UFD1: variants seen among roughly 807,000 people sequenced by gnomAD.
UFD1 encodes ubiquitin recognition factor in ER associated degradation 1.
In UFD1, 13 loss-of-function variants were observed where a neutral mutation model predicts 45.9. The ratio of observed to expected loss-of-function variants is 0.28; its 90% CI spans 0.18 to 0.45. The LOEUF (loss-of-function observed/expected upper bound fraction) is 0.45. Ranked by LOEUF, UFD1 falls within the 20% of genes least tolerant of loss-of-function variation. The pLI is 1.00. For synonymous variants in UFD1, 128 were observed against 139.2 expected (o/e 0.92, Z 0.56); for missense variants, 218 against 389.2 (o/e 0.56, Z 3.70).
intron 6 of UFD1, among the ~76,000 whole-genome samples, chr22:19,459,002 T>TA (rs1478170812): frequency 6.6e-6 from 1 of 152,218 alleles, no homozygotes; most frequent in Non-Finnish European, 1.5e-5. Flanking sequence ...TATTTTATAA[T>TA]AAAATGTTGA....
rs2089903963 is a variant in UFD1, at chr22:19,478,179, T to C, written c.3+904A>G. 2.0e-5 allele frequency among the ~76,000 whole-genome samples: 3 copies of C among 152,102 alleles called. No homozygotes were observed. In the South Asian group the frequency reaches 6.2e-4, roughly 31 times the overall value. On this transcript the variant is annotated intron_variant, in intron 1 of 11. Transcript: ENST00000263202. ...CCCTTCTTTGCTGCTCCCGATCCCATCTCTCACTTTCCTTTTCAATCCCGA... is the reference window on the plus strand; with the variant it reads ...CCCTTCTTTGCTGCTCCCGATCCCACCTCTCACTTTCCTTTTCAATCCCGA...
chr22:19,459,438 A>G (rs2089748329), intron 6 of UFD1, among the ~76,000 whole-genome samples: 1 of 152,058 alleles, frequency 6.6e-6, no homozygotes, highest in South Asian at 2.1e-4. Context: ...CATGGTGAAG[A>G]CCCGTCTCTA....
At position 19,453,354 on chromosome 22, in the gene UFD1, G is replaced by C. The variant is rs2089697885; in HGVS notation, c.849+1395C>G. The C allele has an allele frequency of 3.0e-6, 3 of 985,252 alleles. No homozygotes were observed. The East Asian group carries it at 3.4e-4, about 112-fold the overall frequency. 61.0% of individuals were successfully genotyped at this position (985,252 alleles called of 1,614,324 possible). ...ATGACCTTTAGCCACAGCCTTAGTG[G>C]GGCTGCAGGATGGAATAGAGCTAAA... On this transcript the variant is annotated intron_variant, in intron 11 of 11. Transcript: ENST00000263202.
intron 5 of UFD1, 41 bp from the exon 6 acceptor site, chr22:19,465,315 A>T (rs1003128945): frequency 1.9e-6 from 3 of 1,562,786 alleles, no homozygotes; most frequent in Non-Finnish European, 2.6e-6. Context: ...CAAGATGGAT[A>T]CCTTAATCTG....
At chr22:19,473,572 C>G (rs750877152) in intron 3 of UFD1, among the ~76,000 whole-genome samples, 54 of 152,166 alleles carry the variant, frequency 3.5e-4, no homozygotes, top group Non-Finnish European at 6.9e-4. Flanking sequence ...TCTGTAATGA[C>G]AGGGTCTTCG....
chr22:19,450,307 A>G lies in UFD1; in HGVS notation c.*363T>C, dbSNP rs1004692979. ...AAAGAAAGGATAAATGAAGAAAAAG[A>G]AAGAACACTTCATGTTAGACAATTT... On this transcript the variant is annotated 3_prime_UTR_variant, in exon 12 of 12. Transcript: ENST00000263202. 5.3e-6 allele frequency: 1 copy of G among 187,218 alleles called. No homozygotes were observed. The highest frequency in any genetic ancestry group is 2.3e-5 in the African/African-American group (1 of 42,680). 11.6% of individuals were successfully genotyped at this position (187,218 alleles called of 1,614,324 possible).
intron 4 of UFD1, chr22:19,469,779 G>A: frequency 2.2e-6 from 1 of 447,692 alleles, no homozygotes; most frequent in Non-Finnish European, 4.5e-6. Flanking sequence ...GAGCTGGAAG[G>A]CCAGCTCAGG....
At chr22:19,471,277 C>T (rs1347495442) in intron 4 of UFD1, 8 of 521,346 alleles carry the variant, frequency 1.5e-5, no homozygotes, top group South Asian at 2.8e-5. Flanking sequence ...TGGGAGACTA[C>T]GTCAGAGGTA....
In UFD1 at chr22:19,479,155, C is replaced by G; in HGVS notation, c.-70G>C. On this transcript the variant is annotated 5_prime_UTR_variant, in exon 1 of 12. Coordinates refer to ENST00000263202, the MANE Select transcript of UFD1 (RefSeq NM_005659.7). ...CGAAGAAACCCCGCCGACCGCTCTC[C>G]CAGCCGCCGCTGCCGCTGCCGCCGC... 4 of 1,580,312 alleles carry G rather than the reference C, an allele frequency of 2.5e-6. No homozygotes were observed. Among genetic ancestry groups the G allele is most frequent in the Non-Finnish European group, 1.7e-6 (2 of 1,165,046 alleles).
At chr22:19,475,946 ATC>A (rs1012358852) in intron 1 of UFD1, among the ~76,000 whole-genome samples, 6 of 152,146 alleles carry the variant, frequency 3.9e-5, no homozygotes, top group African/African-American at 1.4e-4. Flanking sequence ...TAATTGAAAC[ATC>A]TCTTTATTGA....
intron 11 of UFD1, 97 bp from the exon 12 acceptor site, chr22:19,450,841 A>G: frequency 1.3e-6 from 2 of 1,591,624 alleles, no homozygotes; most frequent in Admixed American, 1.7e-5. Context: ...CATTACTCAT[A>G]AGAAATATCT....
At chr22:19,458,846 TATG>T (rs1291243569) in intron 6 of UFD1, among the ~76,000 whole-genome samples, 3 of 152,232 alleles carry the variant, frequency 2.0e-5, no homozygotes, top group African/African-American at 7.2e-5. Flanking sequence ...CTCCTTGACT[TATG>T]ATGGAACCAA....
intron 11 of UFD1, chr22:19,451,140 A>AAAG: frequency 1.0e-6 from 1 of 990,044 alleles, no homozygotes; most frequent in Non-Finnish European, 1.2e-6. Context: ...AAAAAAAAAA[A>AAAG]AAGTCTGTAA....
At chr22:19,474,438 C>T (rs2089866911) in intron 3 of UFD1, among the ~76,000 whole-genome samples, 1 of 152,032 alleles carries the variant, frequency 6.6e-6, no homozygotes, top group Non-Finnish European at 1.5e-5. Flanking sequence ...CCCAGCTACT[C>T]GGGAGGCTGA....
At chr22:19,478,048 C>CCTAT (rs112966655) in intron 1 of UFD1, among the ~76,000 whole-genome samples, 17 of 152,190 alleles carry the variant, frequency 1.1e-4, no homozygotes, top group African/African-American at 4.1e-4. Flanking sequence ...CACTAGCCAA[C>CCTAT]CTATGTAAGC....
At chr22:19,476,166 T>C (rs767729230) in intron 1 of UFD1, among the ~76,000 whole-genome samples, 1 of 152,082 alleles carries the variant, frequency 6.6e-6, no homozygotes, top group Non-Finnish European at 1.5e-5. Flanking sequence ...ACAGGGCTCC[T>C]GGGAATGCTA....
chr22:19,474,334 C>G (rs2089866170), intron 3 of UFD1, among the ~76,000 whole-genome samples: 1 of 152,120 alleles, frequency 6.6e-6, no homozygotes, highest in African/African-American at 2.4e-5. Context: ...CACCTGAGGT[C>G]AGGAGTTCAA....
rs950821898 is a variant in UFD1 at position 19,465,039 on chromosome 22, G to C, written c.495+163C>G. ...CAAAACAGAGTTACCAAATGAATTA[G>C]GGCTCTAAATATGAACCCGGGAAAA... On this transcript the variant is annotated intron_variant, in intron 6 of 11. Transcript: ENST00000263202. The C allele has an allele frequency of 1.6e-5, 10 of 638,596 alleles. No individual in the cohort carries two copies. In the African/African-American group the frequency reaches 1.6e-4, roughly 10 times the overall value. The allele number at this position is 638,596 out of a possible 1,614,324, so 39.6% of individuals were successfully genotyped here. A position where few individuals can be genotyped will look rare whatever the true frequency, so the allele number is the denominator to read the frequency against.
chr22:19,459,166 T>C (rs1202677217), intron 6 of UFD1, among the ~76,000 whole-genome samples: 1 of 152,258 alleles, frequency 6.6e-6, no homozygotes, highest in Non-Finnish European at 1.5e-5. Flanking sequence ...GGACTGTCTG[T>C]ATACTCAAAA....
Sources: gnomAD v4.1 joint callset for allele counts (sites outside exome capture counted in the v4.1 genomes callset) on GRCh38, gnomAD v4.1.1 for gene constraint, MANE v1.5 for transcripts, NCBI Gene and HGNC (gene_info 2026-07-23, HGNC 2026-07-21) for gene names.